UBR1: variants seen among roughly 807,000 people sequenced by gnomAD.
UBR1 encodes the protein ubiquitin protein ligase E3 component n-recognin 1.
In UBR1, 102 loss-of-function variants were observed where a neutral mutation model predicts 242.1. The ratio of observed to expected loss-of-function variants is 0.42; its 90% CI spans 0.36 to 0.50. UBR1 has a LOEUF of 0.50. UBR1 is among the 20% of genes least tolerant of loss of function. UBR1 has a pLI of 0.01. For synonymous variants in UBR1, 675 were observed against 684.8 expected, an observed-to-expected ratio of 0.99 and a Z score of 0.22; for missense variants, 1,772 against 2,101.8, an observed-to-expected ratio of 0.84 and a Z score of 3.07.
At chr15:43,053,789 T>G (rs1188925956) in intron 12 of UBR1, among the ~76,000 whole-genome samples, 2 of 151,400 alleles carry the variant, frequency 1.3e-5, no homozygotes, top group Non-Finnish European at 2.9e-5. Context: ...AGAAACAAGG[T>G]CTCGCTATGT....
chr15:42,979,037 G>A (rs1411736484), intron 37 of UBR1, among the ~76,000 whole-genome samples: 1 of 151,586 alleles, frequency 6.6e-6, no homozygotes, highest in Admixed American at 6.6e-5. Flanking sequence ...TGGGACCACA[G>A]GCACGTGCCA....
At chr15:43,037,109 A>T (rs1321685623) in intron 17 of UBR1, among the ~76,000 whole-genome samples, 1 of 151,962 alleles carries the variant, frequency 6.6e-6, no homozygotes, top group Non-Finnish European at 1.5e-5. Flanking sequence ...GCACTTTGGG[A>T]GGTTCAGGTG....
intron 37 of UBR1, among the ~76,000 whole-genome samples, chr15:42,981,566 T>C (rs1254901725): frequency 1.3e-5 from 2 of 152,116 alleles, no homozygotes; most frequent in African/African-American, 4.8e-5. Context: ...CTCAGCTCAC[T>C]GCAAGCTCTG....
At chr15:42,974,595 G>A (rs2032259516) in intron 39 of UBR1, among the ~76,000 whole-genome samples, 1 of 152,056 alleles carries the variant, frequency 6.6e-6, no homozygotes, top group Non-Finnish European at 1.5e-5. Flanking sequence ...TTATGTACTT[G>A]TTTGTTTACT....
intron 33 of UBR1, among the ~76,000 whole-genome samples, chr15:42,997,152 A>G (rs914630532): frequency 1.3e-5 from 2 of 152,188 alleles, no homozygotes; most frequent in African/African-American, 2.4e-5. Context: ...CAGCAGCCAC[A>G]TTAGATTCTC....
At chr15:43,062,681 A>C (rs1384305861) in intron 6 of UBR1, among the ~76,000 whole-genome samples, 1 of 152,176 alleles carries the variant, frequency 6.6e-6, no homozygotes, top group East Asian at 1.9e-4. Context: ...GTGTGATCAA[A>C]GCTCACTACA....
At chr15:43,075,160 T>A in intron 3 of UBR1, 71 bp from the exon 4 acceptor site, 1 of 1,174,716 alleles carries the variant, frequency 8.5e-7, no homozygotes, top group Non-Finnish European at 1.3e-6. Context: ...TAAAGATGAC[T>A]CAAATAATAA....
At chr15:43,014,913 G>T (rs1358844941) in intron 29 of UBR1, among the ~76,000 whole-genome samples, 4 of 150,544 alleles carry the variant, frequency 2.7e-5, no homozygotes, top group African/African-American at 9.8e-5. Context: ...CAGCCACCCC[G>T]TCCGGGAGGG....
rs139123588 is a variant in UBR1 at position 42,966,341 on chromosome 15, G to T, written c.4458-55C>A. On this transcript the variant is annotated intron_variant, in intron 40 of 46. Coordinates refer to ENST00000290650, the MANE Select transcript of UBR1 (RefSeq NM_174916.3). ...GAATACATATCAGACTAAAGCCCTA[G>T]ATTTAAACATATCCCCCTTTTCAAA... 1,068 of 1,599,574 alleles carry T rather than the reference G, an allele frequency of 6.7e-4. 5 individuals are homozygous for T. The African/African-American group carries it at 0.013, about 19-fold the overall frequency.
intron 31 of UBR1, 44 bp from the exon 32 acceptor site, chr15:43,002,748 C>T (rs1300395241): frequency 1.2e-6 from 2 of 1,606,752 alleles, no homozygotes; most frequent in Admixed American, 3.3e-5. Flanking sequence ...ACTACACATG[C>T]ATCTCTACAT....
chr15:42,960,656 GT>G lies in UBR1; in HGVS notation c.4745del (p.Asn1582ThrfsTer13). The G allele has an allele frequency of 6.2e-7, 1 of 1,613,968 alleles. No homozygotes were observed. The highest frequency in any genetic ancestry group is 8.5e-7 in the Non-Finnish European group (1 of 1,179,914). ...GTAGTAAAACCAACCTGACCACGGT[GT>G]TTTTTTGCTTCAAACAGTTTAGTAA... Reference protein sequence around the residue: ...PALLNCLKQKNTVVRYPRKRN... With the variant: ...PALLNCLKQKXTVVRYPRKRN... On this transcript the variant is annotated frameshift_variant, in exon 43 of 47. Transcript: ENST00000290650. LOFTEE classifies it high-confidence loss of function.
intron 41 of UBR1, among the ~76,000 whole-genome samples, chr15:42,965,668 T>C (rs1027689245): frequency 2.6e-5 from 4 of 152,258 alleles, no homozygotes; most frequent in African/African-American, 9.6e-5. Context: ...GGTTTCACCA[T>C]GTTGGCCTTG....
intron 4 of UBR1, among the ~76,000 whole-genome samples, chr15:43,071,587 T>G (rs1410845251): frequency 6.6e-6 from 1 of 152,116 alleles, no homozygotes; most frequent in Admixed American, 6.5e-5. Context: ...CTGAACTATA[T>G]TCTTAAAAAC....
chr15:43,080,287 A>C (rs2033961096), intron 3 of UBR1, among the ~76,000 whole-genome samples: 1 of 152,212 alleles, frequency 6.6e-6, no homozygotes, highest in Non-Finnish European at 1.5e-5. Flanking sequence ...AAAATATAAA[A>C]ACATTCTCAG....
At chr15:43,076,109 CGATTGCAGGCG>C in intron 3 of UBR1, among the ~76,000 whole-genome samples, 1 of 151,606 alleles carries the variant, frequency 6.6e-6, no homozygotes, top group South Asian at 2.1e-4. Context: ...AGAGTGCCTG[CGATTGCAGGCG>C]CGCGCCGCCA....
intron 4 of UBR1, among the ~76,000 whole-genome samples, chr15:43,071,285 C>T (rs1241918778): frequency 1.3e-5 from 2 of 152,148 alleles, no homozygotes; most frequent in African/African-American, 4.8e-5. Flanking sequence ...CTTGTTTCCC[C>T]AGATCCTCAT....
chr15:43,005,535 C>T (rs1347930829), intron 30 of UBR1, among the ~76,000 whole-genome samples: 3 of 152,214 alleles, frequency 2.0e-5, no homozygotes, highest in Middle Eastern at 3.2e-3. Context: ...TGTCCAGCCA[C>T]CCCGTCTGGG....
At chr15:43,076,131 C>T (rs1221189982) in intron 3 of UBR1, among the ~76,000 whole-genome samples, 1 of 149,156 alleles carries the variant, frequency 6.7e-6, no homozygotes, top group Non-Finnish European at 1.5e-5. Context: ...CGCGCCGCCA[C>T]GCCTGACTGG....
At chr15:43,028,612 G>T (rs2033208109) in intron 21 of UBR1, among the ~76,000 whole-genome samples, 2 of 151,388 alleles carry the variant, frequency 1.3e-5, no homozygotes, top group African/African-American at 4.9e-5. Flanking sequence ...AGGCATGGTG[G>T]TGCGCGCCTG....
Sources: allele counts gnomAD v4.1 joint callset (sites outside exome capture counted in the v4.1 genomes callset), GRCh38; gene constraint gnomAD v4.1.1; transcripts MANE v1.5; gene names NCBI Gene and HGNC (gene_info 2026-07-23, HGNC 2026-07-21).